The following PTPRG variants were observed in gnomAD, a reference collection of about 807,000 sequenced individuals.
PTPRG encodes receptor-type tyrosine-protein phosphatase gamma.
Under a neutral mutation model 165.3 loss-of-function variants are expected in PTPRG, and 102 were observed. The observed-to-expected ratio is 0.62, with a 90% confidence interval of 0.53 to 0.73. The LOEUF is 0.73. Ranked by LOEUF, PTPRG falls within the 30% of genes least tolerant of loss-of-function variation. The pLI is 0.00. For synonymous variants in PTPRG, 675 were observed against 669.5 expected (o/e 1.01, Z -0.13); for missense variants, 1,866 against 1,861.4 (o/e 1.00, Z -0.05).
chr3:62,159,085 GAGGGTGAAGC>G (rs1443111080), intron 7 of PTPRG, among the ~76,000 whole-genome samples: 5 of 152,050 alleles, frequency 3.3e-5, no homozygotes, highest in South Asian at 2.1e-4. Context: ...AGCACTTTGG[GAGGGTGAAGC>G]AGGAAGAACC....
At chr3:61,838,382 A>T (rs2036531227) in intron 2 of PTPRG, among the ~76,000 whole-genome samples, 1 of 152,188 alleles carries the variant, frequency 6.6e-6, no homozygotes, top group African/African-American at 2.4e-5. Flanking sequence ...TCCCTTTGAA[A>T]GGTCCCTTTT....
At chr3:61,963,664 T>C (rs2040204447) in intron 2 of PTPRG, among the ~76,000 whole-genome samples, 1 of 152,214 alleles carries the variant, frequency 6.6e-6, no homozygotes, top group Admixed American at 6.5e-5. Flanking sequence ...TTGTTAATAG[T>C]TCTTACAACT....
chr3:62,025,643 C>T (rs944966613), intron 4 of PTPRG, among the ~76,000 whole-genome samples: 6 of 151,944 alleles, frequency 3.9e-5, no homozygotes, highest in African/African-American at 1.2e-4. Flanking sequence ...ATGTTTTTTC[C>T]CTCAGGTATC....
chr3:62,276,257 CGTA>C (rs1702230787), intron 24 of PTPRG, among the ~76,000 whole-genome samples: 1 of 152,064 alleles, frequency 6.6e-6, no homozygotes. Flanking sequence ...ATCTATCTGA[CGTA>C]GAATACAGCT....
In PTPRG at chr3:62,273,304, C is replaced by T. The variant is rs571662619; in HGVS notation, c.3318+223C>T. 2.7e-4 allele frequency among the ~76,000 whole-genome samples: 41 copies of T among 152,128 alleles called. No homozygotes were observed. The highest frequency in any genetic ancestry group is 5.3e-4 in the Non-Finnish European group (36 of 68,022). The stretch of plus-strand genomic sequence containing the variant: ...TCCTAAATAACTACACAAGTACTTA[C>T]GAAAGAGATACAGTTGTTTCAAGAG... On this transcript the variant is annotated intron_variant, in intron 22 of 29. Coordinates refer to ENST00000474889, the MANE Select transcript of PTPRG (RefSeq NM_002841.4). This position sits in a 1 kb window ranked among gnomAD's most constrained non-coding sequence, Gnocchi z 4.1.
At chr3:62,067,868 C>A (rs1362869085) in intron 4 of PTPRG, among the ~76,000 whole-genome samples, 1 of 152,088 alleles carries the variant, frequency 6.6e-6, no homozygotes, top group Non-Finnish European at 1.5e-5. Context: ...AGAGTGACAA[C>A]CAAAAATGTC....
intron 2 of PTPRG, among the ~76,000 whole-genome samples, chr3:61,783,282 A>T (rs1456047985): frequency 6.6e-6 from 1 of 152,150 alleles, no homozygotes; most frequent in South Asian, 2.1e-4. Context: ...TGAGGCAGCA[A>T]TGAGCTGTGT....
chr3:62,070,061 T>C (rs905422059), intron 4 of PTPRG, among the ~76,000 whole-genome samples: 1 of 152,212 alleles, frequency 6.6e-6, no homozygotes, highest in African/African-American at 2.4e-5. Context: ...CCCAGAGTGT[T>C]TGTGTTATGT....
At chr3:61,749,179 C>G in intron 2 of PTPRG, 197 bp downstream of exon 2, 1 of 680,512 alleles carries the variant, frequency 1.5e-6, no homozygotes, top group Non-Finnish European at 2.7e-6. Flanking sequence ...CCACCTGTTT[C>G]CTCAACCTGT....
intron 2 of PTPRG, among the ~76,000 whole-genome samples, chr3:61,961,071 G>A (rs1296344900): frequency 1.3e-5 from 2 of 152,232 alleles, no homozygotes; most frequent in East Asian, 3.9e-4. Flanking sequence ...GGCCAAACAG[G>A]CAGTAAAGTG....
At chr3:62,137,169 G>A (rs1703740583) in intron 6 of PTPRG, among the ~76,000 whole-genome samples, 1 of 152,098 alleles carries the variant, frequency 6.6e-6, no homozygotes, top group Non-Finnish European at 1.5e-5. Context: ...ACATCCACTG[G>A]AGAAGAAAGA....
At chr3:61,638,830 A>G (rs915065279) in intron 1 of PTPRG, among the ~76,000 whole-genome samples, 4 of 152,008 alleles carry the variant, frequency 2.6e-5, no homozygotes, top group Non-Finnish European at 4.4e-5. Context: ...GGTCAGATGC[A>G]TATTTGCAAA....
intron 20 of PTPRG, among the ~76,000 whole-genome samples, chr3:62,270,410 T>C (rs1702022292): frequency 6.6e-6 from 1 of 152,150 alleles, no homozygotes; most frequent in Non-Finnish European, 1.5e-5. Context: ...ATCTGTGTTC[T>C]CTACTATGAA....
At chr3:61,994,065 C>A (rs955334139) in intron 3 of PTPRG, among the ~76,000 whole-genome samples, 34 of 152,340 alleles carry the variant, frequency 2.2e-4, no homozygotes, top group African/African-American at 8.2e-4. Flanking sequence ...TCTATTTCTT[C>A]CTGAGGAGCC....
chr3:61,670,943 C>T (rs560980644), intron 1 of PTPRG, among the ~76,000 whole-genome samples: 136 of 152,092 alleles, frequency 8.9e-4, no homozygotes, highest in East Asian at 4.1e-3. Flanking sequence ...ACTGCGAAGC[C>T]GGAGCGATCA....
intron 2 of PTPRG, among the ~76,000 whole-genome samples, chr3:61,918,970 C>T (rs187102860): frequency 2.6e-5 from 4 of 152,192 alleles, no homozygotes; most frequent in African/African-American, 9.6e-5. Context: ...GAGGAGAATT[C>T]GGTGGTTGTG....
intron 2 of PTPRG, among the ~76,000 whole-genome samples, chr3:61,981,988 T>G (rs1302980420): frequency 6.6e-6 from 1 of 152,190 alleles, no homozygotes; most frequent in African/African-American, 2.4e-5. Context: ...AAATCTTACT[T>G]GTTAGCCTTG....
intron 20 of PTPRG, among the ~76,000 whole-genome samples, chr3:62,269,848 C>A (rs1183345350): frequency 3.3e-5 from 5 of 151,956 alleles, no homozygotes; most frequent in Non-Finnish European, 5.9e-5. Flanking sequence ...GTTTCAAGAC[C>A]CCCGGTGGAT....
intron 5 of PTPRG, among the ~76,000 whole-genome samples, chr3:62,112,483 G>A (rs1431500754): frequency 6.6e-6 from 1 of 152,220 alleles, no homozygotes; most frequent in Non-Finnish European, 1.5e-5. Context: ...TGTTATATGA[G>A]AATGATTATT....
Sources: allele counts gnomAD v4.1 joint callset (sites outside exome capture counted in the v4.1 genomes callset), GRCh38; gene constraint gnomAD v4.1.1; non-coding constraint Gnocchi (gnomAD v3.1); transcripts MANE v1.5; gene names NCBI Gene and HGNC (gene_info 2026-07-23, HGNC 2026-07-21).